The following KCNK3 variants were observed in gnomAD, a reference collection of about 807,000 sequenced individuals.
KCNK3 encodes the protein potassium channel subfamily K member 3.
KCNK3 carries 9 observed loss-of-function variants against 27.3 expected under a neutral mutation model. The observed-to-expected ratio is 0.33, with a 90% CI of 0.20 to 0.57. The LOEUF (loss-of-function observed/expected upper bound fraction) is 0.57. Among genes scored for constraint, KCNK3 ranks in the 20% least tolerant of loss-of-function variants. The probability of loss-of-function intolerance (pLI) is 0.87; values close to 1 mark genes in which losing one functional copy is unlikely to be tolerated. For synonymous variants in KCNK3, 278 were observed against 273.8 expected (o/e 1.02, Z -0.15); for missense variants, 391 against 577.7 (o/e 0.68, Z 3.31).
At chr2:26,695,886 G>A (rs937611986) in intron 1 of KCNK3, among the ~76,000 whole-genome samples, 1 of 152,144 alleles carries the variant, frequency 6.6e-6, no homozygotes, top group African/African-American at 2.4e-5. Flanking sequence ...TTCTGTGGGG[G>A]CCCCTCCCTC....
intron 1 of KCNK3, among the ~76,000 whole-genome samples, chr2:26,710,755 G>A (rs892440574): frequency 6.6e-6 from 1 of 152,140 alleles, no homozygotes; most frequent in Admixed American, 6.5e-5. Context: ...CAGCTTCTCT[G>A]GGAGGGCCTG....
chr2:26,692,928 A>G lies in KCNK3; in HGVS notation c.53A>G (p.Tyr18Cys), dbSNP rs1670188015. ...TLALIVCTFT[Y>C]LLVGAAVFDA... ...GCGCTCATCGTGTGCACCTTCACCT[A>G]CCTGCTGGTGGGCGCCGCGGTCTTC... Residue 18 changes from tyrosine (Y) to cysteine (C), a missense_variant, in exon 1 of 2, where the codon TAC becomes TGC. Around this residue, in one of 4 missense-constraint regions of KCNK3, gnomAD observed 158 missense variants for 267.7 expected, o/e 0.59. Coordinates refer to ENST00000302909, the MANE Select transcript of KCNK3 (RefSeq NM_002246.3). This position sits in a 1 kb window ranked among gnomAD's most constrained non-coding sequence, Gnocchi z 5.6. The G allele has an allele frequency of 6.5e-7, 1 of 1,537,824 alleles. No individual in the cohort carries two copies. The highest frequency in any genetic ancestry group is 8.7e-7 in the Non-Finnish European group (1 of 1,145,958).
chr2:26,692,908 C>T lies in KCNK3; in HGVS notation c.33C>T (p.Leu11=). 11 of 1,501,174 alleles carry T rather than the reference C, an allele frequency of 7.3e-6. No individual in the cohort carries two copies. The highest frequency in any genetic ancestry group is 9.8e-6 in the Non-Finnish European group (11 of 1,125,452). 93.0% of individuals were successfully genotyped at this position (1,501,174 alleles called of 1,614,324 possible). ...GGCAGAACGTGCGCACGCTGGCGCTCATCGTGTGCACCTTCACCTACCTGC... is the reference window on the plus strand; with the variant it reads ...GGCAGAACGTGCGCACGCTGGCGCTTATCGTGTGCACCTTCACCTACCTGC... MKRQNVRTLA[L]IVCTFTYLLV... The change falls in exon 1 of 2, where the codon CTC becomes CTT. Residue 11 remains leucine (L), a synonymous_variant. Transcript: ENST00000302909. The surrounding 1 kb of genome is among the most constrained non-coding windows in gnomAD (Gnocchi z 5.6).
At chr2:26,718,014 C>T (rs1572611464) in intron 1 of KCNK3, among the ~76,000 whole-genome samples, 1 of 152,124 alleles carries the variant, frequency 6.6e-6, no homozygotes, top group East Asian at 1.9e-4. Context: ...GCAGGGCATC[C>T]CACACACCAT....
At position 26,728,954 on chromosome 2, in the gene KCNK3, T is replaced by G; in HGVS notation, c.*386T>G. On this transcript the variant is annotated 3_prime_UTR_variant, in exon 2 of 2. Transcript: ENST00000302909. Reference sequence around the variant, plus strand: ...CCGTGTACGTTTGCATCTCTATTTATACCTCTGTCCTGCTAGGTCTCCCAC... The same window carrying G: ...CCGTGTACGTTTGCATCTCTATTTAGACCTCTGTCCTGCTAGGTCTCCCAC... The G allele has an allele frequency of 1.7e-5, 3 of 180,668 alleles. No individual in the cohort carries two copies. Among genetic ancestry groups the G allele is most frequent in the East Asian group, 1.4e-4 (1 of 7,274 alleles). 11.2% of individuals were successfully genotyped at this position (180,668 alleles called of 1,614,324 possible). A position where few individuals can be genotyped will look rare whatever the true frequency, so the allele number is the denominator to read the frequency against.
chr2:26,706,991 C>G (rs971685761), intron 1 of KCNK3, among the ~76,000 whole-genome samples: 12 of 152,156 alleles, frequency 7.9e-5, no homozygotes, highest in Non-Finnish European at 1.5e-5. Flanking sequence ...GCCTCCCCTC[C>G]AGCCCTCCCG....
chr2:26,699,229 G>GAAAGAAAA (rs1670275571), intron 1 of KCNK3, among the ~76,000 whole-genome samples: 2 of 149,600 alleles, frequency 1.3e-5, no homozygotes, highest in South Asian at 4.2e-4. Context: ...AAGAAAGAAA[G>GAAAGAAAA]AAAGAAAGAA....
chr2:26,692,892 T>C lies in KCNK3; in HGVS notation c.17T>C (p.Val6Ala), dbSNP rs1226314697. The C allele has an allele frequency of 2.1e-6, 3 of 1,417,574 alleles. No individual in the cohort carries two copies. Among genetic ancestry groups the C allele is most frequent in the Non-Finnish European group, 2.8e-6 (3 of 1,076,894 alleles). 87.8% of individuals were successfully genotyped at this position (1,417,574 alleles called of 1,614,324 possible). Residue 6 changes from valine to alanine, a missense_variant, in exon 1 of 2, where the codon GTG becomes GCG. Coordinates refer to ENST00000302909, the MANE Select transcript of KCNK3 (RefSeq NM_002246.3). The surrounding 1 kb of genome is among the most constrained non-coding windows in gnomAD (Gnocchi z 5.6). ...GGCGGGACGATGAAGCGGCAGAACG[T>C]GCGCACGCTGGCGCTCATCGTGTGC... MKRQNVRTLALIVCTF... is the reference protein window; with the variant it reads MKRQNARTLALIVCTF...
At chr2:26,698,118 T>C (rs1455419066) in intron 1 of KCNK3, among the ~76,000 whole-genome samples, 1 of 152,054 alleles carries the variant, frequency 6.6e-6, no homozygotes, top group Non-Finnish European at 1.5e-5. Context: ...GTCCCCCACA[T>C]CCCACCATCT....
At chr2:26,727,587 C>T in intron 1 of KCNK3, 80 bp from the exon 2 acceptor site, 1 of 1,506,792 alleles carries the variant, frequency 6.6e-7, no homozygotes, top group Non-Finnish European at 8.9e-7. Flanking sequence ...GGTGGCGGGG[C>T]AACGGGGAGG....
chr2:26,709,826 G>A (rs1663072093), intron 1 of KCNK3, among the ~76,000 whole-genome samples: 1 of 152,144 alleles, frequency 6.6e-6, no homozygotes, highest in South Asian at 2.1e-4. Flanking sequence ...CAGGGCTACT[G>A]CCAGGAAGCC....
intron 1 of KCNK3, among the ~76,000 whole-genome samples, chr2:26,699,254 C>G: frequency 9.7e-6 from 1 of 103,246 alleles, no homozygotes; most frequent in South Asian, 3.6e-4. Context: ...AGAAAGAAAG[C>G]CAGCCAAGGA....
At chr2:26,723,904 C>T (rs1663366491) in intron 1 of KCNK3, among the ~76,000 whole-genome samples, 1 of 152,230 alleles carries the variant, frequency 6.6e-6, no homozygotes, top group Non-Finnish European at 1.5e-5. Flanking sequence ...AGAGAGGGTC[C>T]TCAGAGAGTC....
In KCNK3 at chr2:26,721,804, C is replaced by T. The variant is rs1274233988; in HGVS notation, c.284-5863C>T. Among the ~76,000 whole-genome samples the T allele has an allele frequency of 2.6e-5, 4 of 152,234 alleles. No homozygotes were observed. The highest frequency in any genetic ancestry group is 6.5e-5 in the Admixed American group (1 of 15,290). On this transcript the variant is annotated intron_variant, in intron 1 of 1. Transcript: ENST00000302909. The surrounding 1 kb of genome is among the most constrained non-coding windows in gnomAD (Gnocchi z 4.3). ...CCTTTGGGCACCTCAGGCCACAGGT[C>T]CCTCATCCACCTTCCCTCAGGACAA...
intron 1 of KCNK3, among the ~76,000 whole-genome samples, chr2:26,709,841 C>T (rs905662610): frequency 3.9e-5 from 6 of 152,196 alleles, no homozygotes; most frequent in Non-Finnish European, 8.8e-5. Flanking sequence ...GAAGCCGAGT[C>T]CGGGCCTGTC....
chr2:26,696,099 GA>G (rs1670231982), intron 1 of KCNK3, among the ~76,000 whole-genome samples: 1 of 152,242 alleles, frequency 6.6e-6, no homozygotes, highest in African/African-American at 2.4e-5. Context: ...TTGAAAACAT[GA>G]ATGAGTCTCA....
chr2:26,728,696 C>G lies in KCNK3; in HGVS notation c.*128C>G. ...AACATCCCTCACCACTCTCCCCCAG[C>G]ACCCCCATCTCCGACTGTGCCTGCT... is the stretch of plus-strand genomic sequence containing the variant. On this transcript the variant is annotated 3_prime_UTR_variant, in exon 2 of 2. Transcript: ENST00000302909. 1 of 794,010 alleles carries G rather than the reference C, an allele frequency of 1.3e-6. No homozygotes were observed. The highest frequency in any genetic ancestry group is 3.7e-5 in the South Asian group (1 of 26,918). The allele number at this position is 794,010 out of a possible 1,614,324, so 49.2% of individuals were successfully genotyped here. A position where few individuals can be genotyped will look rare whatever the true frequency, so the allele number is the denominator to read the frequency against.
chr2:26,693,118 C>T lies in KCNK3; in HGVS notation c.243C>T (p.Ala81=), dbSNP rs1397083094. 3 of 1,584,890 alleles carry T rather than the reference C, an allele frequency of 1.9e-6. No homozygotes were observed. The highest frequency in any genetic ancestry group is 1.7e-6 in the Non-Finnish European group (2 of 1,164,912). ...PHKAGVQWRF[A]GSFYFAITVI... is the part of the protein sequence containing the mutation. ...AGGCCGGCGTGCAGTGGCGCTTCGCCGGCTCCTTCTACTTCGCCATCACCG... is the reference window on the plus strand; with the variant it reads ...AGGCCGGCGTGCAGTGGCGCTTCGCTGGCTCCTTCTACTTCGCCATCACCG... The change falls in exon 1 of 2, where the codon GCC becomes GCT. Residue 81 remains alanine, a synonymous_variant. Coordinates refer to ENST00000302909, the MANE Select transcript of KCNK3 (RefSeq NM_002246.3). The surrounding 1 kb of genome is among the most constrained non-coding windows in gnomAD (Gnocchi z 5.5).
At chr2:26,715,626 G>GA (rs1178562137) in intron 1 of KCNK3, among the ~76,000 whole-genome samples, 1 of 152,196 alleles carries the variant, frequency 6.6e-6, no homozygotes, top group Admixed American at 6.5e-5. Flanking sequence ...TCTTGGCATG[G>GA]GAGACTCAGG....
Sources: gnomAD v4.1 joint callset for allele counts (sites outside exome capture counted in the v4.1 genomes callset) on GRCh38, gnomAD v4.1.1 for gene constraint, gnomAD v4.1.1 regional missense constraint, Gnocchi (gnomAD v3.1) non-coding constraint, MANE v1.5 for transcripts, NCBI Gene and HGNC (gene_info 2026-07-23, HGNC 2026-07-21) for gene names.